The following ZMYM4 variants were observed in gnomAD, a reference collection of about 807,000 sequenced individuals.
ZMYM4 encodes zinc finger MYM-type protein 4.
ZMYM4 carries 31 observed loss-of-function variants against 183.2 expected under a neutral mutation model. The ratio of observed to expected loss-of-function variants is 0.17; its 90% CI spans 0.13 to 0.23. The LOEUF (loss-of-function observed/expected upper bound fraction) is 0.23. Among genes scored for constraint, ZMYM4 ranks in the 10% least tolerant of loss-of-function variants. ZMYM4 has a pLI of 1.00. For missense variants in ZMYM4, 1,273 were observed against 1,840.3 expected, an observed-to-expected ratio of 0.69 and a Z score of 5.64; for synonymous variants, 592 against 631.2, an observed-to-expected ratio of 0.94 and a Z score of 0.93.
intron 7 of ZMYM4, among the ~76,000 whole-genome samples, chr1:35,373,059 T>C (rs1338185396): frequency 1.3e-5 from 2 of 151,978 alleles, no homozygotes; most frequent in African/African-American, 4.8e-5. Context: ...CTCAGATGGC[T>C]GAGGCACAAG....
At chr1:35,402,660 A>G (rs138759673) in intron 23 of ZMYM4, among the ~76,000 whole-genome samples, 1 of 152,268 alleles carries the variant, frequency 6.6e-6, no homozygotes, top group Admixed American at 6.5e-5. Flanking sequence ...GTTCCTTACT[A>G]GTATATAGAA....
chr1:35,342,184 A>G (rs1010715044), intron 2 of ZMYM4, among the ~76,000 whole-genome samples: 1 of 152,034 alleles, frequency 6.6e-6, no homozygotes, highest in African/African-American at 2.4e-5. Context: ...ATTTTTAGAC[A>G]GGGTCTCGCT....
chr1:35,296,843 CTTTTTT>C (rs780202714), intron 1 of ZMYM4, among the ~76,000 whole-genome samples: 3 of 95,602 alleles, frequency 3.1e-5, no homozygotes, highest in African/African-American at 1.5e-4. Flanking sequence ...TTCTTTCTTT[CTTTTTT>C]TTTTTTTTTT....
intron 26 of ZMYM4, among the ~76,000 whole-genome samples, chr1:35,413,620 GA>G (rs1640000050): frequency 6.6e-6 from 1 of 151,478 alleles, no homozygotes; most frequent in Admixed American, 6.6e-5. Flanking sequence ...TATGAATCAG[GA>G]AAAACATGAT....
intron 11 of ZMYM4, 119 bp downstream of exon 11, chr1:35,386,308 A>G (rs1644575867): frequency 3.0e-6 from 2 of 674,320 alleles, no homozygotes; most frequent in African/African-American, 1.9e-5. Context: ...AAGAGGTTTA[A>G]TTGGCTCACA....
Position 35,385,601 on chromosome 1 carries a change from G to A in ZMYM4, c.1720+9G>A. ...AATGGTTACTTCTGCAGGTAATATT[G>A]GTTTCACAAACTATGAAATGCAATG... On this transcript the variant is annotated intron_variant, in intron 10 of 29. Coordinates refer to ENST00000314607, the MANE Select transcript of ZMYM4 (RefSeq NM_005095.3). 6.4e-7 allele frequency: 1 copy of A among 1,573,482 alleles called. No individual in the cohort carries two copies. Among genetic ancestry groups the A allele is most frequent in the Non-Finnish European group, 8.6e-7 (1 of 1,165,328 alleles).
Position 35,385,612 on chromosome 1 carries a change from C to G in ZMYM4, c.1720+20C>G. On this transcript the variant is annotated intron_variant, in intron 10 of 29. Transcript: ENST00000314607. The stretch of plus-strand genomic sequence containing the variant: ...CTGCAGGTAATATTGGTTTCACAAA[C>G]TATGAAATGCAATGGTTGAAAAATA... 2 of 1,564,830 alleles carry G rather than the reference C, an allele frequency of 1.3e-6. No individual in the cohort carries two copies. Among genetic ancestry groups the G allele is most frequent in the East Asian group, 4.7e-5 (2 of 42,954 alleles).
intron 7 of ZMYM4, among the ~76,000 whole-genome samples, chr1:35,374,329 C>T (rs1414096290): frequency 1.3e-5 from 2 of 151,908 alleles, no homozygotes; most frequent in African/African-American, 4.8e-5. Context: ...CCACCGTGCC[C>T]GGCACTCATC....
chr1:35,296,595 A>T (rs1641023730), intron 1 of ZMYM4, among the ~76,000 whole-genome samples: 2 of 152,128 alleles, frequency 1.3e-5, no homozygotes, highest in Non-Finnish European at 2.9e-5. Context: ...TTATGGCTCT[A>T]GTGATGACGG....
chr1:35,376,854 A>G (rs1270130596), intron 7 of ZMYM4, among the ~76,000 whole-genome samples: 1 of 151,506 alleles, frequency 6.6e-6, no homozygotes, highest in Non-Finnish European at 1.5e-5. Flanking sequence ...CTTCTGTTAC[A>G]GTATTTTATA....
intron 1 of ZMYM4, among the ~76,000 whole-genome samples, chr1:35,300,330 A>G (rs1641224399): frequency 6.6e-6 from 1 of 152,178 alleles, no homozygotes; most frequent in African/African-American, 2.4e-5. Flanking sequence ...TGGATGTAAT[A>G]CCATTTTCCC....
chr1:35,316,948 C>G (rs1642071444), intron 1 of ZMYM4, among the ~76,000 whole-genome samples: 1 of 150,570 alleles, frequency 6.6e-6, no homozygotes, highest in South Asian at 2.1e-4. Context: ...ATGGTGAAAC[C>G]CTGTCTCTAC....
chr1:35,378,377 G>A (rs1371245611), intron 7 of ZMYM4, among the ~76,000 whole-genome samples: 1 of 152,150 alleles, frequency 6.6e-6, no homozygotes, highest in Admixed American at 6.5e-5. Flanking sequence ...ATCCGTTATA[G>A]GAATCACTAT....
In ZMYM4 at chr1:35,419,623, TGAA is replaced by T; in HGVS notation, c.4597_4599del (p.Glu1533del). The T allele has an allele frequency of 1.9e-6, 3 of 1,614,146 alleles. No individual in the cohort carries two copies. The highest frequency in any genetic ancestry group is 2.5e-6 in the Non-Finnish European group (3 of 1,180,016). ...GTATTCTCATGGTGAGGGAGGTACATGAAGAACTTGCCAAAGCCAAATCTGAAG... is the reference window on the plus strand; with the variant it reads ...GTATTCTCATGGTGAGGGAGGTACATGAACTTGCCAAAGCCAAATCTGAAG... On this transcript the variant is annotated inframe_deletion, in exon 30 of 30. Coordinates refer to ENST00000314607, the MANE Select transcript of ZMYM4 (RefSeq NM_005095.3).
chr1:35,328,476 T>TG (rs1491137744), intron 2 of ZMYM4, among the ~76,000 whole-genome samples: 6 of 143,340 alleles, frequency 4.2e-5, no homozygotes, highest in African/African-American at 1.6e-4. Flanking sequence ...TTTTTTTTTT[T>TG]GTAGAGATTA....
Position 35,358,952 on chromosome 1 carries a change from C to T in ZMYM4, c.113C>T (p.Ser38Phe), listed in dbSNP as rs764508425. 3.1e-6 allele frequency: 5 copies of T among 1,613,046 alleles called. No individual in the cohort carries two copies. In the South Asian group the frequency reaches 3.3e-5, roughly 11 times the overall value. ...NCGGIMDTEM[S>F]EDIDHNLTPT... ...GGTGGTATCATGGATACAGAAATGT[C>T]TGAAGATATAGACCACAACTTAACT... The change falls in exon 3 of 30, where the codon TCT becomes TTT. Residue 38 changes from serine (S) to phenylalanine (F), a missense_variant. Physicochemically the swap from Ser to Phe is radical, Grantham distance 155. This residue lies in a region of ZMYM4 where 384 missense variants were observed against 465.6 expected (regional missense o/e 0.82). Coordinates refer to ENST00000314607, the MANE Select transcript of ZMYM4 (RefSeq NM_005095.3).
chr1:35,300,002 C>G (rs569732421), intron 1 of ZMYM4, among the ~76,000 whole-genome samples: 1 of 151,882 alleles, frequency 6.6e-6, no homozygotes, highest in Non-Finnish European at 1.5e-5. Flanking sequence ...TCACAGTGTT[C>G]GCCAGGATGG....
At chr1:35,280,299 CT>C (rs1222183799) in intron 1 of ZMYM4, among the ~76,000 whole-genome samples, 2 of 143,490 alleles carry the variant, frequency 1.4e-5, no homozygotes, top group African/African-American at 5.2e-5. Context: ...TCTCTTCTTT[CT>C]TTGTTTAAAA....
At chr1:35,282,825 G>A (rs138258226) in intron 1 of ZMYM4, among the ~76,000 whole-genome samples, 2,053 of 151,848 alleles carry the variant, frequency 0.014, 51 homozygotes, top group African/African-American at 0.047. Context: ...CAAAGTGCTG[G>A]GATTACAGGT....
Sources: allele counts gnomAD v4.1 joint callset (sites outside exome capture counted in the v4.1 genomes callset), GRCh38; gene constraint gnomAD v4.1.1; regional missense constraint gnomAD v4.1.1; transcripts MANE v1.5; gene names NCBI Gene and HGNC (gene_info 2026-07-23, HGNC 2026-07-21).